Variants in OPLAH observed in about 807,000 individuals in gnomAD.
OPLAH encodes the protein 5-oxoprolinase.
A neutral mutation model predicts 122.8 loss-of-function variants in OPLAH; 103 were observed. The ratio of observed to expected loss-of-function variants is 0.84; its 90% CI spans 0.71 to 0.99. The LOEUF (loss-of-function observed/expected upper bound fraction) is 0.99, where lower values mean the gene tolerates loss of function less well. Ranked by LOEUF, OPLAH falls within the 50% of genes least tolerant of loss-of-function variation. The pLI is 0.00. For synonymous variants in OPLAH, 875 were observed against 796.0 expected, an observed-to-expected ratio of 1.10 and a Z score of -1.67; for missense variants, 1,902 against 1,836.5, an observed-to-expected ratio of 1.04 and a Z score of -0.65.
Position 144,057,048 on chromosome 8 carries a change from A to C in OPLAH, c.1606T>G (p.Ser536Ala). ...DVVHEAQEPC[S>A]LLYAPETFVQ... ...AAGGTCTCAGGCGCGTAGAGCAGGG[A>C]GCAGGGTTCCTGTGCCTCATGCACC... is the stretch of plus-strand genomic sequence containing the variant. The change falls in exon 12 of 27, where the codon TCC becomes GCC. Residue 536 changes from serine (S) to alanine (A), a missense_variant. Physicochemically the swap from Ser to Ala is moderately conservative, Grantham distance 99 (BLOSUM62 1). Transcript: ENST00000618853. 6.2e-7 allele frequency: 1 copy of C among 1,601,940 alleles called. No individual in the cohort carries two copies. The highest frequency in any genetic ancestry group is 8.5e-7 in the Non-Finnish European group (1 of 1,175,298).
intron 22 of OPLAH, 29 bp downstream of exon 22, chr8:144,052,737 C>T (rs781883945): frequency 7.1e-6 from 11 of 1,554,114 alleles, no homozygotes; most frequent in African/African-American, 4.1e-5. Context: ...CGGGCTGGGG[C>T]CCCCCCTCGC....
At position 144,051,367 on chromosome 8, in the gene OPLAH, C is replaced by A; in HGVS notation, c.3826G>T (p.Gly1276Cys). The change falls in exon 27 of 27, where the codon GGC (glycine) becomes TGC (cysteine). Residue 1276 changes from glycine (G) to cysteine (C), a missense_variant. By Grantham distance (159) the Gly-to-Cys change is radical. Around this residue, in one of 3 missense-constraint regions of OPLAH, gnomAD observed 1,726 missense variants for 1,642.1 expected, o/e 1.05. Transcript: ENST00000618853. ...GCCCGGCGATACTCATAGACGCTGC[C>A]GTGCTCGGGAAAGGCCAGTGCTTGC... Reference protein sequence around the residue: ...PPQALAFPEHGSVYEYRRAQE... With the variant: ...PPQALAFPEHCSVYEYRRAQE... The A allele has an allele frequency of 6.2e-7, 1 of 1,609,700 alleles. No homozygotes were observed. The highest frequency in any genetic ancestry group is 8.5e-7 in the Non-Finnish European group (1 of 1,178,638).
intron 23 of OPLAH, 30 bp from the exon 24 acceptor site, chr8:144,052,356 G>T: frequency 6.6e-7 from 1 of 1,511,258 alleles, no homozygotes; most frequent in Non-Finnish European, 8.8e-7. Flanking sequence ...GCTGCGCTGG[G>T]CTGGGGCAGG....
At position 144,054,684 on chromosome 8, in the gene OPLAH, G is replaced by A. The variant is rs1247265711; in HGVS notation, c.2563C>T (p.His855Tyr). 6.2e-7 allele frequency: 1 copy of A among 1,612,402 alleles called. No individual in the cohort carries two copies. Among genetic ancestry groups the A allele is most frequent in the Non-Finnish European group, 8.5e-7 (1 of 1,179,840 alleles). ...GTGATGCCCCCGATGTCTGCGTGGT[G>A]CCCTCGGCTGGCCACATAGAACACA... ...RPVFYVASRGHHADIGGITPG... is the reference protein window; with the variant it reads ...RPVFYVASRGYHADIGGITPG... Residue 855 changes from histidine (H) to tyrosine (Y), a missense_variant, in exon 19 of 27, where the codon CAC (histidine) becomes TAC (tyrosine). This residue lies in a region of OPLAH where 1,726 missense variants were observed against 1,642.1 expected (regional missense o/e 1.05). Coordinates refer to ENST00000618853, the MANE Select transcript of OPLAH (RefSeq NM_017570.5).
At position 144,055,339 on chromosome 8, in the gene OPLAH, C is replaced by T. The variant is rs138065952; in HGVS notation, c.2249-150G>A. ...TGGGGAAGACCAAGTTGACGGTGTG[C>T]CCACTTGGCCACGTCTTAGCCTATG... On this transcript the variant is annotated intron_variant, in intron 16 of 26. Transcript: ENST00000618853. This position sits in a 1 kb window ranked among gnomAD's most constrained non-coding sequence, Gnocchi z 6.5. 353 of 784,388 alleles carry T rather than the reference C, an allele frequency of 4.5e-4. 4 individuals are homozygous for T. The African/African-American group carries it at 5.7e-3, about 13-fold the overall frequency. 48.6% of individuals were successfully genotyped at this position (784,388 alleles called of 1,614,324 possible).
intron 3 of OPLAH, among the ~76,000 whole-genome samples, 199 bp from the exon 4 acceptor site, chr8:144,059,278 C>T (rs1178025566): frequency 6.6e-6 from 1 of 152,192 alleles, no homozygotes; most frequent in Admixed American, 6.5e-5. Flanking sequence ...CAGCCAACTG[C>T]TCCACCCCCA....
intron 1 of OPLAH, 126 bp from the exon 2 acceptor site, chr8:144,060,211 C>T: frequency 1.7e-5 from 12 of 714,436 alleles, no homozygotes; most frequent in Non-Finnish European, 2.7e-5. Context: ...GCCAGAGCCG[C>T]AGGCCCAGCT....
At chr8:144,054,997 G>C in intron 17 of OPLAH, 32 bp downstream of exon 17, 3 of 1,184,734 alleles carry the variant, frequency 2.5e-6, no homozygotes, top group Non-Finnish European at 3.4e-6. Context: ...GTGAGGGAGG[G>C]GGATGGAAGG....
Position 144,058,625 on chromosome 8 carries a change from C to T in OPLAH, c.654G>A (p.Leu218=). Residue 218 remains leucine, a synonymous_variant, in exon 6 of 27, where the codon CTG becomes CTA. Transcript: ENST00000618853. ...ARELGFTHVS[L]SSEAMPMVRI... is the part of the protein sequence containing the mutation. ...GCACCATGGGCATGGCCTCCGAGGA[C>T]AGTGACACGTGCGTGAAGCCCAGCT... 1.2e-6 allele frequency: 2 copies of T among 1,603,220 alleles called. No individual in the cohort carries two copies. Among genetic ancestry groups the T allele is most frequent in the Non-Finnish European group, 1.7e-6 (2 of 1,178,976 alleles).
rs782732612 is a variant in OPLAH at position 144,052,566 on chromosome 8, G to C, written c.3186C>G (p.Pro1062=). The C allele has an allele frequency of 3.1e-6, 5 of 1,597,034 alleles. No homozygotes were observed. The African/African-American group carries it at 6.7e-5, about 21-fold the overall frequency. The change falls in exon 23 of 27, where the codon CCC becomes CCG. Residue 1062 remains proline, a synonymous_variant. Transcript: ENST00000618853. ...GCGACGGGTCCAGGATGGAGCCTCG[G>C]GGAATGACCACGCGCACTGGCGCCA... ...GCLAPVRVVI[P]RGSILDPSPE... is the part of the protein sequence containing the mutation.
In OPLAH at chr8:144,052,535, C is replaced by A. The variant is rs782275441; in HGVS notation, c.3217G>T (p.Ala1073Ser). Residue 1073 changes from alanine to serine, a missense_variant, in exon 23 of 27, where the codon GCG becomes TCG. Physicochemically the swap from Ala to Ser is moderately conservative, Grantham distance 99. Coordinates refer to ENST00000618853, the MANE Select transcript of OPLAH (RefSeq NM_017570.5). ...AGCACGTTGCCGCCCACCACCGCCGCCTCGGGCGACGGGTCCAGGATGGAG... is the reference window on the plus strand; with the variant it reads ...AGCACGTTGCCGCCCACCACCGCCGACTCGGGCGACGGGTCCAGGATGGAG... ...RGSILDPSPE[A>S]AVVGGNVLTS... 1 of 1,592,734 alleles carries A rather than the reference C, an allele frequency of 6.3e-7. No homozygotes were observed. Among genetic ancestry groups the A allele is most frequent in the East Asian group, 2.2e-5 (1 of 44,448 alleles).
In OPLAH at chr8:144,058,527, C is replaced by G; in HGVS notation, c.752G>C (p.Gly251Ala). 1 of 1,594,080 alleles carries G rather than the reference C, an allele frequency of 6.3e-7. No homozygotes were observed. Among genetic ancestry groups the G allele is most frequent in the Non-Finnish European group, 8.5e-7 (1 of 1,175,542 alleles). Residue 251 changes from glycine (G) to alanine (A), a missense_variant, in exon 6 of 27, where the codon GGC becomes GCC. Around this residue, in one of 3 missense-constraint regions of OPLAH, gnomAD observed 1,726 missense variants for 1,642.1 expected, o/e 1.05. Coordinates refer to ENST00000618853, the MANE Select transcript of OPLAH (RefSeq NM_017570.5). ...LTPAIQRYVQ[G>A]FCRGFQGQLK... is the part of the protein sequence containing the mutation. ...TTGGCCCTGGAAGCCACGGCAGAAG[C>G]CCTGCACGTAGCGCTGGATGGCGGG...
chr8:144,056,375 G>A lies in OPLAH; in HGVS notation c.1983+10C>T. ...GGTGCTGTCAGGCTGGCACAGGCAG[G>A]ACCACCAACCTTGTCCACCCGGGGA... On this transcript the variant is annotated intron_variant, in intron 14 of 26. Coordinates refer to ENST00000618853, the MANE Select transcript of OPLAH (RefSeq NM_017570.5). 1 of 1,600,876 alleles carries A rather than the reference G, an allele frequency of 6.2e-7. No homozygotes were observed. The highest frequency in any genetic ancestry group is 1.3e-5 in the African/African-American group (1 of 74,810).
At position 144,052,874 on chromosome 8, in the gene OPLAH, GC is replaced by G. The variant is rs1299667259; in HGVS notation, c.3044del (p.Gly1015AlafsTer16). ...SQGSAVFDFS[G>X]TGPEVFGNLN... ...GATTACCAAACACCTCCGGCCCAGT[GC>G]CGCTGAAGTCAAACACGGCGCTGCC... is the stretch of plus-strand genomic sequence containing the variant. On this transcript the variant is annotated frameshift_variant, in exon 22 of 27. Coordinates refer to ENST00000618853, the MANE Select transcript of OPLAH (RefSeq NM_017570.5). LOFTEE classifies it high-confidence loss of function. 2.6e-6 allele frequency: 4 copies of G among 1,554,528 alleles called. No homozygotes were observed. Among genetic ancestry groups the G allele is most frequent in the Non-Finnish European group, 3.5e-6 (4 of 1,149,644 alleles).
Position 144,057,290 on chromosome 8 carries a change from G to A in OPLAH, c.1453C>T (p.Leu485=). 6.2e-7 allele frequency: 1 copy of A among 1,612,388 alleles called. No individual in the cohort carries two copies. Residue 485 remains leucine (L), a synonymous_variant, in exon 11 of 27, where the codon CTG becomes TTG. Transcript: ENST00000618853. The part of the protein sequence containing the change: ...ARGHDPSAHV[L]ACFGGAGGQH... ...CCACCAGCTCCCCCAAAGCAGGCCA[G>A]CACATGGGCTGAGGGGTCATGGCCT...
In OPLAH at chr8:144,052,224, C is replaced by G; in HGVS notation, c.3406G>C (p.Val1136Leu). Residue 1136 changes from valine to leucine, a missense_variant, in exon 24 of 27, where the codon GTG becomes CTG. Coordinates refer to ENST00000618853, the MANE Select transcript of OPLAH (RefSeq NM_017570.5). The stretch of plus-strand genomic sequence containing the variant: ...CGTGTGTTGGTCATGTGGCTGTGCA[C>G]ACCGCTGCGCCCGTGCCAGCTGGGA... The part of the protein sequence containing the change: ...AGPSWHGRSG[V>L]HSHMTNTRIT... 2 of 1,571,724 alleles carry G rather than the reference C, an allele frequency of 1.3e-6. No homozygotes were observed. Among genetic ancestry groups the G allele is most frequent in the South Asian group, 2.3e-5 (2 of 87,576 alleles).
upstream of OPLAH, among the ~76,000 whole-genome samples, chr8:144,063,207 A>G (rs998107034): frequency 5.3e-5 from 8 of 151,480 alleles, no homozygotes; most frequent in Non-Finnish European, 8.8e-5. The surrounding 1 kb of genome is among the most constrained non-coding windows in gnomAD (Gnocchi z 4.2). Flanking sequence ...GCCACCTACC[A>G]GTGGCCCACT....
chr8:144,053,767 G>T (rs1196187561), intron 19 of OPLAH, among the ~76,000 whole-genome samples: 1 of 151,718 alleles, frequency 6.6e-6, no homozygotes, highest in East Asian at 1.9e-4. Context: ...CTTCCCCTGG[G>T]CTCCCAGACC....
Position 144,058,297 on chromosome 8 carries a change from G to A in OPLAH, c.891C>T (p.Tyr297=). The A allele has an allele frequency of 1.2e-6, 2 of 1,609,808 alleles. No individual in the cohort carries two copies. The highest frequency in any genetic ancestry group is 1.7e-6 in the Non-Finnish European group (2 of 1,179,156). The change falls in exon 7 of 27, where the codon TAC becomes TAT. Residue 297 remains tyrosine (Y), a synonymous_variant. Coordinates refer to ENST00000618853, the MANE Select transcript of OPLAH (RefSeq NM_017570.5). ...CCTCCTGCTGGTAGGTGGTGGCTGA[G>A]TAGCCCACCACGCCGCCGGCCGGGC... ...LSGPAGGVVG[Y]SATTYQQEGG... is the part of the protein sequence containing the mutation.
Sources: allele counts gnomAD v4.1 joint callset (sites outside exome capture counted in the v4.1 genomes callset), GRCh38; gene constraint gnomAD v4.1.1; regional missense constraint gnomAD v4.1.1; non-coding constraint Gnocchi (gnomAD v3.1); transcripts MANE v1.5; gene names NCBI Gene and HGNC (gene_info 2026-07-23, HGNC 2026-07-21).